SCHIP1: variants seen among roughly 807,000 people sequenced by gnomAD.
SCHIP1 encodes schwannomin-interacting protein 1.
A neutral mutation model predicts 29.7 loss-of-function variants in SCHIP1; 8 were observed. The observed-to-expected ratio is 0.27, with a 90% confidence interval of 0.16 to 0.49. The LOEUF (loss-of-function observed/expected upper bound fraction) is 0.49. Among genes scored for constraint, SCHIP1 ranks in the 20% least tolerant of loss-of-function variants. The pLI, the probability that SCHIP1 is intolerant of heterozygous loss-of-function variation, is 0.99. For synonymous variants in SCHIP1, 76 were observed against 94.9 expected (o/e 0.80, Z 1.16); for missense variants, 193 against 294.6 (o/e 0.66, Z 2.52).
At chr3:159,584,762 T>A in the SCHIP1 span, among the ~76,000 whole-genome samples, 1 of 152,100 alleles carries the variant, frequency 6.6e-6, no homozygotes, top group East Asian at 1.9e-4. Context: ...ACAGCCTGTG[T>A]TTCAGTAAGC....
chr3:159,543,330 G>C, the SCHIP1 span, among the ~76,000 whole-genome samples: 1 of 144,978 alleles, frequency 6.9e-6, no homozygotes, highest in Non-Finnish European at 1.5e-5. Flanking sequence ...TTTAGCATTA[G>C]GTATATCTCC....
chr3:159,277,949 A>G, the SCHIP1 span, among the ~76,000 whole-genome samples: 16 of 151,982 alleles, frequency 1.1e-4, no homozygotes, highest in Admixed American at 9.8e-4. Flanking sequence ...CTATTTTTCA[A>G]CGGTATAGGA....
At chr3:159,375,107 C>T in the SCHIP1 span, among the ~76,000 whole-genome samples, 1 of 152,190 alleles carries the variant, frequency 6.6e-6, no homozygotes, top group Non-Finnish European at 1.5e-5. Flanking sequence ...TGCCAAATTA[C>T]ACCCATGGCT....
At chr3:159,425,029 C>T in the SCHIP1 span, among the ~76,000 whole-genome samples, 2 of 151,726 alleles carry the variant, frequency 1.3e-5, no homozygotes, top group Non-Finnish European at 2.9e-5. Flanking sequence ...CTTAAAAGAG[C>T]TCCTGAAGGA....
the SCHIP1 span, among the ~76,000 whole-genome samples, chr3:159,282,381 T>A: frequency 6.6e-6 from 1 of 151,952 alleles, no homozygotes; most frequent in African/African-American, 2.4e-5. Context: ...ACTGAGATTT[T>A]ATGTGTTAAA....
chr3:159,864,629 C>T (rs1033561603), intron 1 of SCHIP1, among the ~76,000 whole-genome samples: 2 of 151,770 alleles, frequency 1.3e-5, no homozygotes, highest in African/African-American at 4.8e-5. Flanking sequence ...CTTATGGTGT[C>T]CAAGGATTAA....
the SCHIP1 span, among the ~76,000 whole-genome samples, chr3:159,368,724 G>A: frequency 6.9e-6 from 1 of 143,888 alleles, no homozygotes; most frequent in Non-Finnish European, 1.5e-5. Flanking sequence ...TGGGCATGGT[G>A]AGAGATAGGG....
chr3:159,747,612 T>C, the SCHIP1 span, among the ~76,000 whole-genome samples: 1 of 152,108 alleles, frequency 6.6e-6, no homozygotes, highest in Admixed American at 6.5e-5. Context: ...TGTTCCAAGC[T>C]CTATTAGTGA....
intron 3 of SCHIP1, chr3:159,887,275 G>A (rs1053056473): frequency 1.2e-5 from 2 of 166,038 alleles, no homozygotes; most frequent in African/African-American, 4.8e-5. Context: ...TCTGTCTATA[G>A]CCTTTTTTAC....
At chr3:159,713,296 G>GAA in the SCHIP1 span, among the ~76,000 whole-genome samples, 2 of 148,664 alleles carry the variant, frequency 1.3e-5, no homozygotes, top group Non-Finnish European at 3.0e-5. Context: ...AAAAAGAAAA[G>GAA]AAAGAAAGAA....
chr3:159,743,589 C>T, the SCHIP1 span, among the ~76,000 whole-genome samples: 1 of 152,096 alleles, frequency 6.6e-6, no homozygotes, highest in Admixed American at 6.5e-5. Flanking sequence ...AATTGAATTT[C>T]CTTTTATTTC....
the SCHIP1 span, among the ~76,000 whole-genome samples, chr3:159,673,806 A>T: frequency 6.6e-6 from 1 of 152,250 alleles, no homozygotes; most frequent in Admixed American, 6.5e-5. Flanking sequence ...AACAAAAAAC[A>T]TGTGCAGCCT....
the SCHIP1 span, among the ~76,000 whole-genome samples, chr3:159,493,343 T>C: frequency 6.6e-6 from 1 of 152,304 alleles, no homozygotes; most frequent in South Asian, 2.1e-4. Flanking sequence ...CAGTGTGCTG[T>C]ATTCAGGAAA....
At chr3:159,603,709 A>C in the SCHIP1 span, among the ~76,000 whole-genome samples, 1 of 152,226 alleles carries the variant, frequency 6.6e-6, no homozygotes, top group African/African-American at 2.4e-5. Flanking sequence ...TATAGTCTTA[A>C]GTCTTAATCC....
the SCHIP1 span, among the ~76,000 whole-genome samples, chr3:159,447,925 C>G: frequency 6.6e-6 from 1 of 152,098 alleles, no homozygotes; most frequent in Non-Finnish European, 1.5e-5. Context: ...TTACCCGTCC[C>G]TTAAGGGATG....
At chr3:159,574,321 T>C in the SCHIP1 span, among the ~76,000 whole-genome samples, 18 of 152,322 alleles carry the variant, frequency 1.2e-4, no homozygotes, top group African/African-American at 4.3e-4. Context: ...TTTGTTGATG[T>C]TGATGCTATT....
the SCHIP1 span, among the ~76,000 whole-genome samples, chr3:159,729,197 T>C: frequency 6.6e-5 from 10 of 151,834 alleles, no homozygotes; most frequent in African/African-American, 2.4e-4. Context: ...AAAATAGAAG[T>C]GTTCCAGATA....
the SCHIP1 span, among the ~76,000 whole-genome samples, chr3:159,556,316 A>C: frequency 2.0e-5 from 3 of 151,740 alleles, no homozygotes; most frequent in African/African-American, 7.3e-5. Context: ...TTACACTGTT[A>C]GTGGGACTGT....
chr3:159,338,799 A>C, the SCHIP1 span, among the ~76,000 whole-genome samples: 3 of 152,180 alleles, frequency 2.0e-5, no homozygotes, highest in African/African-American at 7.2e-5. Flanking sequence ...CATTTTCCAC[A>C]TGCTGGAATA....
Sources: allele counts gnomAD v4.1 joint callset (sites outside exome capture counted in the v4.1 genomes callset), GRCh38; gene constraint gnomAD v4.1.1; transcripts MANE v1.5; gene names NCBI Gene and HGNC (gene_info 2026-07-23, HGNC 2026-07-21).